The following IL1R1 variants were observed in gnomAD, a reference collection of about 807,000 sequenced individuals.
IL1R1 encodes interleukin 1 receptor type 1.
A neutral mutation model predicts 50.2 loss-of-function variants in IL1R1; 22 were observed. The observed-to-expected ratio is 0.44, with a 90% confidence interval of 0.31 to 0.63. IL1R1 has a LOEUF of 0.63. IL1R1 is among the 20% of genes least tolerant of loss of function. The probability of loss-of-function intolerance (pLI) is 0.07; values close to 1 mark genes in which losing one functional copy is unlikely to be tolerated. For synonymous variants in IL1R1, 251 were observed against 236.7 expected, an observed-to-expected ratio of 1.06 and a Z score of -0.55; for missense variants, 509 against 676.2, an observed-to-expected ratio of 0.75 and a Z score of 2.74.
At chr2:102,079,471 T>A (rs1679115477) in intron 1 of IL1R1, among the ~76,000 whole-genome samples, 1 of 151,998 alleles carries the variant, frequency 6.6e-6, no homozygotes, top group South Asian at 2.1e-4. Flanking sequence ...AATTTGAAAA[T>A]GAAATTAAGA....
At chr2:102,102,564 T>G (rs1559462612), upstream of IL1R1, among the ~76,000 whole-genome samples, 1 of 152,140 alleles carries the variant, frequency 6.6e-6, no homozygotes, top group Non-Finnish European at 1.5e-5. Flanking sequence ...CTTGTGGGAA[T>G]GTAAATTAGT....
intron 1 of IL1R1, among the ~76,000 whole-genome samples, chr2:102,113,130 C>A (rs1371299342): frequency 1.3e-5 from 2 of 152,228 alleles, no homozygotes; most frequent in African/African-American, 4.8e-5. Context: ...GCAGCCCAGG[C>A]TAAGACACTG....
intron 1 of IL1R1, among the ~76,000 whole-genome samples, chr2:102,114,489 T>A (rs959524686): frequency 6.6e-6 from 1 of 152,000 alleles, no homozygotes; most frequent in Non-Finnish European, 1.5e-5. Flanking sequence ...CATGTGAACC[T>A]GCCATGACAA....
intron 1 of IL1R1, among the ~76,000 whole-genome samples, chr2:102,078,813 C>A (rs1192322643): frequency 2.0e-5 from 3 of 152,062 alleles, no homozygotes; most frequent in African/African-American, 7.2e-5. Context: ...AGACCAATAT[C>A]CCTGATGAAT....
intron 1 of IL1R1, among the ~76,000 whole-genome samples, chr2:102,083,843 C>G (rs1679324472): frequency 6.6e-6 from 1 of 151,908 alleles, no homozygotes; most frequent in Non-Finnish European, 1.5e-5. Context: ...ACTCAGGAGG[C>G]TGAGGCAGGA....
At chr2:102,103,112 A>G (rs1201717305), upstream of IL1R1, among the ~76,000 whole-genome samples, 1 of 152,232 alleles carries the variant, frequency 6.6e-6, no homozygotes, top group Non-Finnish European at 1.5e-5. Flanking sequence ...ATTTGCCTAT[A>G]TAACAGACCT....
intron 1 of IL1R1, among the ~76,000 whole-genome samples, chr2:102,077,788 G>A (rs1481714642): frequency 6.6e-6 from 1 of 152,032 alleles, no homozygotes; most frequent in African/African-American, 2.4e-5. Flanking sequence ...CACTGCATGT[G>A]GACTATTTTC....
chr2:102,108,980 A>G (rs1026683235), intron 1 of IL1R1, among the ~76,000 whole-genome samples: 1 of 148,492 alleles, frequency 6.7e-6, no homozygotes, highest in African/African-American at 2.5e-5. Context: ...AATAATAATA[A>G]TAATAATAAA....
intron 10 of IL1R1, 60 bp downstream of exon 10, chr2:102,174,790 T>C (rs532698109): frequency 1.4e-6 from 2 of 1,422,274 alleles, no homozygotes; most frequent in Admixed American, 2.2e-5. Context: ...TTAGGAGATG[T>C]AGAAGATGAC....
chr2:102,144,491 G>T (rs879720473), intron 1 of IL1R1, among the ~76,000 whole-genome samples: 3 of 152,046 alleles, frequency 2.0e-5, no homozygotes, highest in Non-Finnish European at 2.9e-5. Flanking sequence ...TGAAACCTGT[G>T]ACATCTTTTG....
At chr2:102,168,321 TG>T (rs1578026683) in intron 6 of IL1R1, among the ~76,000 whole-genome samples, 1 of 152,188 alleles carries the variant, frequency 6.6e-6, no homozygotes, top group Non-Finnish European at 1.5e-5. Flanking sequence ...GGCATTTGTC[TG>T]GGGACCCAGG....
rs146761336 is a variant in IL1R1 at position 102,159,383 on chromosome 2, A to C, written c.61+1598A>C. Among the ~76,000 whole-genome samples, 307 of 152,276 alleles carry C rather than the reference A, an allele frequency of 2.0e-3. 1 individual carries two copies. Among genetic ancestry groups the C allele is most frequent in the Non-Finnish European group, 2.3e-3 (159 of 68,018 alleles). On this transcript the variant is annotated intron_variant, in intron 3 of 11. Coordinates refer to ENST00000410023, the MANE Select transcript of IL1R1 (RefSeq NM_000877.4). Reference sequence around the variant, plus strand: ...TCCATGTGTGTTGGAGCATACCTTCAACATTAAGGCTGTTTAAGGCCTTAG... The same window carrying C: ...TCCATGTGTGTTGGAGCATACCTTCCACATTAAGGCTGTTTAAGGCCTTAG...
At chr2:102,143,971 C>A (rs986079099) in intron 1 of IL1R1, among the ~76,000 whole-genome samples, 1 of 152,182 alleles carries the variant, frequency 6.6e-6, no homozygotes. Context: ...ATGTCTCAGT[C>A]GCTGCGGTTT....
chr2:102,107,639 C>T (rs1680495029), intron 1 of IL1R1, among the ~76,000 whole-genome samples: 1 of 151,674 alleles, frequency 6.6e-6, no homozygotes, highest in Admixed American at 6.6e-5. Flanking sequence ...CTTAAAGTAT[C>T]ACAATAAATA....
At chr2:102,104,299 G>A (rs1680283622), upstream of IL1R1, among the ~76,000 whole-genome samples, 1 of 152,214 alleles carries the variant, frequency 6.6e-6, no homozygotes, top group Non-Finnish European at 1.5e-5. Context: ...GGTAGGCAGA[G>A]AGGGAAAGCT....
At chr2:102,130,987 T>C (rs1330504352) in intron 1 of IL1R1, among the ~76,000 whole-genome samples, 1 of 152,108 alleles carries the variant, frequency 6.6e-6, no homozygotes, top group Non-Finnish European at 1.5e-5. Flanking sequence ...TTCCAGGCCA[T>C]GGCACAGGGA....
chr2:102,121,299 C>T lies in IL1R1; in HGVS notation c.-84+16427C>T, dbSNP rs527402282. 8.5e-5 allele frequency among the ~76,000 whole-genome samples: 13 copies of T among 152,314 alleles called. No homozygotes were observed. The East Asian group carries it at 9.7e-4, about 11-fold the overall frequency. ...CATCTTCTGTTCCTCTGGTTTCTCT[C>T]GCAACTTCTATCCCCCTCCTCGGTG... On this transcript the variant is annotated intron_variant, in intron 1 of 10. Transcript: ENST00000409329.
upstream of IL1R1, among the ~76,000 whole-genome samples, chr2:102,100,128 G>T (rs924196230): frequency 1.3e-5 from 2 of 152,130 alleles, no homozygotes; most frequent in East Asian, 3.9e-4. Context: ...TCTGCACATC[G>T]TCGGGTTCTT....
chr2:102,125,316 C>T lies in IL1R1; in HGVS notation c.-84+20444C>T, dbSNP rs116544318. Among the ~76,000 whole-genome samples, 1,033 of 152,304 alleles carry T rather than the reference C, an allele frequency of 6.8e-3. 21 individuals are homozygous for T. The South Asian group carries it at 0.092, about 13-fold the overall frequency. On this transcript the variant is annotated intron_variant, in intron 1 of 10. Transcript: ENST00000409329. ...ACAAACAAACAAACGAAACCAATAA[C>T]GAAAATTCTTCATCATATTTGCATC... is the stretch of plus-strand genomic sequence containing the variant.
Sources: allele counts gnomAD v4.1 joint callset (sites outside exome capture counted in the v4.1 genomes callset), GRCh38; gene constraint gnomAD v4.1.1; transcripts MANE v1.5; gene names NCBI Gene and HGNC (gene_info 2026-07-23, HGNC 2026-07-21).